The following CPQ variants were observed in gnomAD, a reference collection of about 807,000 sequenced individuals.
CPQ encodes the protein carboxypeptidase Q.
Under a neutral mutation model 45.7 loss-of-function variants are expected in CPQ, and 37 were observed. The ratio of observed to expected loss-of-function variants is 0.81; its 90% CI spans 0.62 to 1.07. CPQ has a LOEUF of 1.07. Ranked by LOEUF, CPQ falls within the 50% of genes least tolerant of loss-of-function variation. CPQ has a pLI of 0.00. For synonymous variants in CPQ, 186 were observed against 205.8 expected (o/e 0.90, Z 0.82); for missense variants, 537 against 572.9 (o/e 0.94, Z 0.64).
intron 1 of CPQ, among the ~76,000 whole-genome samples, chr8:96,767,994 A>T (rs1480399887): frequency 6.6e-6 from 1 of 151,858 alleles, no homozygotes; most frequent in Non-Finnish European, 1.5e-5. Flanking sequence ...CCAGCCTGGG[A>T]TGTGGTCTCC....
At chr8:96,805,362 AT>A (rs1281327715) in intron 2 of CPQ, among the ~76,000 whole-genome samples, 1 of 152,074 alleles carries the variant, frequency 6.6e-6, no homozygotes, top group East Asian at 1.9e-4. Flanking sequence ...GTATAGTGTG[AT>A]TGTTCAGGAC....
intron 3 of CPQ, among the ~76,000 whole-genome samples, chr8:96,853,658 T>A (rs866875227): frequency 3.3e-5 from 5 of 151,962 alleles, no homozygotes; most frequent in Admixed American, 2.0e-4. Flanking sequence ...TTTTGAAAGG[T>A]TTGTTGTTGT....
intron 1 of CPQ, among the ~76,000 whole-genome samples, chr8:96,693,037 A>G (rs1809324117): frequency 6.6e-6 from 1 of 152,150 alleles, no homozygotes; most frequent in Admixed American, 6.6e-5. Context: ...CCAAAAAGGC[A>G]ATTGACACTC....
At chr8:96,732,010 T>C (rs953888141) in intron 1 of CPQ, among the ~76,000 whole-genome samples, 1 of 151,994 alleles carries the variant, frequency 6.6e-6, no homozygotes, top group Admixed American at 6.6e-5. Context: ...AATAGTGAAA[T>C]GGTTGTAAGT....
chr8:96,841,004 T>G (rs1811600310), intron 3 of CPQ, among the ~76,000 whole-genome samples: 1 of 152,240 alleles, frequency 6.6e-6, no homozygotes, highest in African/African-American at 2.4e-5. Flanking sequence ...ATGTCCCCCC[T>G]CTTATCTGCC....
At chr8:96,714,367 G>T (rs1388362487) in intron 1 of CPQ, among the ~76,000 whole-genome samples, 2 of 151,838 alleles carry the variant, frequency 1.3e-5, no homozygotes, top group Non-Finnish European at 2.9e-5. Context: ...TTGTCTGATT[G>T]GGTTAATTCA....
intron 2 of CPQ, among the ~76,000 whole-genome samples, chr8:96,796,770 T>C (rs1262020750): frequency 2.0e-5 from 3 of 152,216 alleles, no homozygotes; most frequent in African/African-American, 7.2e-5. Flanking sequence ...GTACTTCTGC[T>C]GGTTTATGTC....
Position 96,914,011 on chromosome 8 carries a change from G to A in CPQ, c.849+34006G>A, listed in dbSNP as rs143920950. On this transcript the variant is annotated intron_variant, in intron 4 of 7. Coordinates refer to ENST00000220763, the MANE Select transcript of CPQ (RefSeq NM_016134.4). ...ATTGTGCTGTGTGTGTTGGAGGATT[G>A]TGGTGGTAAGTTGAGATATGTAGAC... is the stretch of plus-strand genomic sequence containing the variant. Among the ~76,000 whole-genome samples, 18 of 152,244 alleles carry A rather than the reference G, an allele frequency of 1.2e-4. No homozygotes were observed. In the East Asian group the frequency reaches 3.5e-3, roughly 29 times the overall value.
chr8:96,670,138 A>G (rs1205544203), intron 1 of CPQ, among the ~76,000 whole-genome samples: 1 of 152,182 alleles, frequency 6.6e-6, no homozygotes, highest in Non-Finnish European at 1.5e-5. Flanking sequence ...CTTTAGTACT[A>G]TGCTTGAGGC....
At chr8:96,953,341 T>C (rs1813299325) in intron 4 of CPQ, among the ~76,000 whole-genome samples, 1 of 152,112 alleles carries the variant, frequency 6.6e-6, no homozygotes, top group Admixed American at 6.6e-5. Context: ...CAGCTTATCC[T>C]CTGGGGAGTA....
At chr8:96,936,462 C>T (rs1056396024) in intron 4 of CPQ, among the ~76,000 whole-genome samples, 2 of 152,168 alleles carry the variant, frequency 1.3e-5, no homozygotes, top group African/African-American at 2.4e-5. Context: ...GTAAGGCCAT[C>T]AAAGAGACAG....
At chr8:97,112,214 C>A (rs1242143918) in intron 7 of CPQ, among the ~76,000 whole-genome samples, 2 of 148,974 alleles carry the variant, frequency 1.3e-5, no homozygotes, top group Non-Finnish European at 3.0e-5. Context: ...CAACAACAGA[C>A]AAGATGAAAA....
chr8:96,943,424 T>C (rs76382896), intron 4 of CPQ, among the ~76,000 whole-genome samples: 4,242 of 152,270 alleles, frequency 0.028, 131 homozygotes, highest in African/African-American at 0.08. Flanking sequence ...TACAAATCAT[T>C]GATAACTGAC....
intron 3 of CPQ, among the ~76,000 whole-genome samples, chr8:96,837,169 C>T (rs1811541253): frequency 6.6e-6 from 1 of 152,032 alleles, no homozygotes; most frequent in African/African-American, 2.4e-5. Flanking sequence ...AGTTTTGCAT[C>T]CTAAGAAATA....
At chr8:96,699,062 G>A (rs1205896928) in intron 1 of CPQ, among the ~76,000 whole-genome samples, 1 of 152,134 alleles carries the variant, frequency 6.6e-6, no homozygotes, top group Non-Finnish European at 1.5e-5. Flanking sequence ...TTCACAATAA[G>A]CAATATTTGG....
At chr8:97,048,625 T>G (rs1437132069) in intron 6 of CPQ, among the ~76,000 whole-genome samples, 1 of 152,230 alleles carries the variant, frequency 6.6e-6, no homozygotes, top group Non-Finnish European at 1.5e-5. Context: ...ATTGGAAAAC[T>G]GCACCTGCCA....
intron 5 of CPQ, among the ~76,000 whole-genome samples, chr8:97,018,060 GGACTCTGTGCAGAT>G (rs540796345): frequency 6.6e-6 from 1 of 152,158 alleles, no homozygotes; most frequent in Non-Finnish European, 1.5e-5. Flanking sequence ...GTTCATCACA[GGACTCTGTGCAGAT>G]GACCCCAGTA....
At chr8:96,740,142 C>G (rs1341550310) in intron 1 of CPQ, among the ~76,000 whole-genome samples, 1 of 151,916 alleles carries the variant, frequency 6.6e-6, no homozygotes, top group Non-Finnish European at 1.5e-5. Context: ...TTTCCTTGAG[C>G]AGTGGTTTGT....
intron 7 of CPQ, among the ~76,000 whole-genome samples, chr8:97,110,268 G>T (rs909035511): frequency 6.6e-6 from 1 of 152,116 alleles, no homozygotes; most frequent in East Asian, 1.9e-4. Context: ...CTGTTTCTGA[G>T]ATTCATCCAC....
Sources: gnomAD v4.1 joint callset for allele counts (sites outside exome capture counted in the v4.1 genomes callset) on GRCh38, gnomAD v4.1.1 for gene constraint, MANE v1.5 for transcripts, NCBI Gene and HGNC (gene_info 2026-07-23, HGNC 2026-07-21) for gene names.